Variants in PHACTR3 observed in about 807,000 individuals in gnomAD.
PHACTR3 encodes phosphatase and actin regulator 3, also known as protein phosphatase 1, regulatory subunit 123.
Under a neutral mutation model 66.8 loss-of-function variants are expected in PHACTR3, and 16 were observed. That is an observed-to-expected ratio of 0.24 (90% CI 0.16 to 0.36). The LOEUF (loss-of-function observed/expected upper bound fraction) is 0.36, where lower values mean the gene tolerates loss of function less well. Among genes scored for constraint, PHACTR3 ranks in the 10% least tolerant of loss-of-function variants. The pLI is 1.00. For missense variants in PHACTR3, 647 were observed against 719.9 expected (o/e 0.90, Z 1.16); for synonymous variants, 323 against 292.1 (o/e 1.11, Z -1.08).
chr20:59,762,051 C>T (rs910433297), intron 4 of PHACTR3, among the ~76,000 whole-genome samples: 1 of 151,990 alleles, frequency 6.6e-6, no homozygotes, highest in East Asian at 1.9e-4. Context: ...ATGCAGAGGG[C>T]GGTGTCAGAG....
At chr20:59,674,531 CTGTCTCCCCTT>C in intron 1 of PHACTR3, among the ~76,000 whole-genome samples, 24 of 116,688 alleles carry the variant, frequency 2.1e-4, no homozygotes, top group African/African-American at 8.5e-4. Flanking sequence ...CCCGCTTCTT[CTGTCTCCCCTT>C]CTGTTCCCTC....
At chr20:59,836,683 CT>C (rs2058973661) in intron 9 of PHACTR3, 123 bp downstream of exon 9, 1 of 877,894 alleles carries the variant, frequency 1.1e-6, no homozygotes. Flanking sequence ...CCCAGTAAAC[CT>C]GAGCTGCTGC....
At chr20:59,703,224 T>C (rs1242596410) in intron 1 of PHACTR3, among the ~76,000 whole-genome samples, 1 of 152,184 alleles carries the variant, frequency 6.6e-6, no homozygotes, top group Non-Finnish European at 1.5e-5. Flanking sequence ...GTGAATTATC[T>C]ACAGTTAGGG....
At chr20:59,784,648 A>G (rs1201671775) in intron 7 of PHACTR3, among the ~76,000 whole-genome samples, 1 of 151,992 alleles carries the variant, frequency 6.6e-6, no homozygotes, top group Admixed American at 6.6e-5. Flanking sequence ...ACCTTTATTC[A>G]CCCTGTAAAG....
chr20:59,831,765 C>G (rs1298257352), intron 8 of PHACTR3, among the ~76,000 whole-genome samples: 2 of 152,220 alleles, frequency 1.3e-5, no homozygotes, highest in African/African-American at 2.4e-5. Flanking sequence ...CCTGCCCCAG[C>G]CAGGTCCAAG....
chr20:59,661,015 A>G (rs1601030081), intron 1 of PHACTR3, among the ~76,000 whole-genome samples: 1 of 152,192 alleles, frequency 6.6e-6, no homozygotes, highest in East Asian at 1.9e-4. Context: ...GTTTGACTGT[A>G]TCTCTTCACA....
At chr20:59,593,679 G>A (rs1021296125) in intron 1 of PHACTR3, among the ~76,000 whole-genome samples, 1 of 152,102 alleles carries the variant, frequency 6.6e-6, no homozygotes. Flanking sequence ...TTTTGTGAAG[G>A]GTGTAAGGCT....
intron 4 of PHACTR3, among the ~76,000 whole-genome samples, chr20:59,756,670 G>A (rs543638722): frequency 5.3e-5 from 8 of 152,018 alleles, no homozygotes; most frequent in Middle Eastern, 3.4e-3. Flanking sequence ...TGGGGCTGGC[G>A]TGGTTCTTTT....
intron 1 of PHACTR3, among the ~76,000 whole-genome samples, chr20:59,689,843 C>T (rs897237357): frequency 6.6e-6 from 1 of 152,130 alleles, no homozygotes; most frequent in Non-Finnish European, 1.5e-5. Context: ...CCTTCAGCAC[C>T]TCTCCAATTC....
intron 9 of PHACTR3, among the ~76,000 whole-genome samples, chr20:59,837,446 A>G (rs149213210): frequency 1.3e-5 from 2 of 152,130 alleles, no homozygotes; most frequent in Non-Finnish European, 1.5e-5. Context: ...ACTTGAATTG[A>G]TTCCTCCCTC....
At chr20:59,761,812 A>AC (rs1275951229) in intron 4 of PHACTR3, among the ~76,000 whole-genome samples, 1 of 151,820 alleles carries the variant, frequency 6.6e-6, no homozygotes, top group Non-Finnish European at 1.5e-5. Flanking sequence ...CCTAGCCCTG[A>AC]CCCCTGCATT....
rs138480294 is a variant in PHACTR3 at position 59,811,029 on chromosome 20, C to T, written c.1328+4835C>T. Among the ~76,000 whole-genome samples the T allele has an allele frequency of 2.2e-3, 333 of 152,352 alleles. 3 individuals are homozygous for T. In the Middle Eastern group the frequency reaches 0.024, roughly 11 times the overall value. On this transcript the variant is annotated intron_variant, in intron 8 of 12. Transcript: ENST00000371015. ...ATGTGCTTGACGTCTGCCTTACTTT[C>T]TTTCATTTATCTAGTCTTCACAGTA...
intron 1 of PHACTR3, among the ~76,000 whole-genome samples, chr20:59,612,521 A>G (rs1317399337): frequency 6.6e-6 from 1 of 152,078 alleles, no homozygotes; most frequent in African/African-American, 2.4e-5. Context: ...AGTGGCTGGG[A>G]CTACAGGTGC....
At chr20:59,620,406 C>T (rs1340946698) in intron 1 of PHACTR3, among the ~76,000 whole-genome samples, 1 of 152,124 alleles carries the variant, frequency 6.6e-6, no homozygotes. Flanking sequence ...TCCTGTGATC[C>T]ACCCAGGATC....
chr20:59,700,097 G>C (rs935494092), intron 1 of PHACTR3, among the ~76,000 whole-genome samples: 12 of 152,318 alleles, frequency 7.9e-5, no homozygotes, highest in Admixed American at 6.5e-4. Context: ...ATTTATTCGT[G>C]TTATTCACGA....
rs1417101417 is a variant in PHACTR3 at position 59,604,652 on chromosome 20, T to G, written c.-363T>G. 1.8e-5 allele frequency: 18 copies of G among 990,324 alleles called. No individual in the cohort carries two copies. The highest frequency in any genetic ancestry group is 6.1e-5 in the Admixed American group (1 of 16,440). The allele number at this position is 990,324 out of a possible 1,614,324, so 61.3% of individuals were successfully genotyped here. A position where few individuals can be genotyped will look rare whatever the true frequency, so the allele number is the denominator to read the frequency against. Reference sequence around the variant, plus strand: ...CCAGACATTCCAGGACATCACCCCCTGCCCCAAGCACGCAATAAACACTGA... The same window carrying G: ...CCAGACATTCCAGGACATCACCCCCGGCCCCAAGCACGCAATAAACACTGA... On this transcript the variant is annotated 5_prime_UTR_variant, in exon 1 of 13. Transcript: ENST00000371015.
intron 3 of PHACTR3, among the ~76,000 whole-genome samples, chr20:59,750,255 G>C (rs1031607340): frequency 2.0e-5 from 3 of 151,984 alleles, no homozygotes; most frequent in Non-Finnish European, 2.9e-5. Flanking sequence ...CAGGTCCAAA[G>C]GTGGGCAGGA....
intron 1 of PHACTR3, among the ~76,000 whole-genome samples, chr20:59,584,597 C>T (rs2032966783): frequency 6.6e-6 from 1 of 152,144 alleles, no homozygotes; most frequent in South Asian, 2.1e-4. Flanking sequence ...ATGCGATCTC[C>T]CTCAACCTAG....
chr20:59,793,403 C>T (rs1448737470), intron 7 of PHACTR3, among the ~76,000 whole-genome samples: 1 of 152,150 alleles, frequency 6.6e-6, no homozygotes, highest in African/African-American at 2.4e-5. Context: ...AATGTTTATT[C>T]TTCCCAGCCA....
Sources: allele counts gnomAD v4.1 joint callset (sites outside exome capture counted in the v4.1 genomes callset), GRCh38; gene constraint gnomAD v4.1.1; transcripts MANE v1.5; gene names NCBI Gene and HGNC (gene_info 2026-07-23, HGNC 2026-07-21).